The following SCAP variants were observed in gnomAD, a reference collection of about 807,000 sequenced individuals.
SCAP encodes SREBF chaperone, also known as sterol regulatory element-binding protein cleavage-activating protein.
A neutral mutation model predicts 123.6 loss-of-function variants in SCAP; 65 were observed. That is an observed-to-expected ratio of 0.53 (90% CI 0.43 to 0.65). The LOEUF (loss-of-function observed/expected upper bound fraction) is 0.65, where lower values mean the gene tolerates loss of function less well. Ranked by LOEUF, SCAP falls within the 30% of genes least tolerant of loss-of-function variation. The pLI is 0.00. For missense variants in SCAP, 1,398 were observed against 1,712.5 expected (o/e 0.82, Z 3.24); for synonymous variants, 740 against 726.3 (o/e 1.02, Z -0.30).
intron 1 of SCAP, among the ~76,000 whole-genome samples, chr3:47,443,929 T>TA (rs1394111851): frequency 6.6e-6 from 1 of 152,194 alleles, no homozygotes; most frequent in Admixed American, 6.5e-5. Context: ...GGAACTTGGA[T>TA]ATTCATGATG....
Position 47,428,627 on chromosome 3 carries a change from TTCACAA to T in SCAP, c.290_295del (p.Phe97_Lys99delinsTer). The T allele has an allele frequency of 6.2e-7, 1 of 1,614,056 alleles. No homozygotes were observed. The highest frequency in any genetic ancestry group is 8.5e-7 in the Non-Finnish European group (1 of 1,180,018). ...CTTGTGCCAGGGAAACACTGAGGACTTCACAAATATCTGCTGGACATAAGCCACCGG... is the reference window on the plus strand; with the variant it reads ...CTTGTGCCAGGGAAACACTGAGGACTATATCTGCTGGACATAAGCCACCGG... On this transcript the variant is annotated stop_gained and inframe_deletion, in exon 4 of 23. Transcript: ENST00000265565. LOFTEE classifies it high-confidence loss of function.
At chr3:47,452,917 CTG>C (rs1707277459) in intron 1 of SCAP, among the ~76,000 whole-genome samples, 1 of 124,234 alleles carries the variant, frequency 8.0e-6, no homozygotes, top group Admixed American at 9.6e-5. Flanking sequence ...TACAGAGATC[CTG>C]TCTCTACAAA....
chr3:47,472,134 A>C (rs1170990492), intron 1 of SCAP, among the ~76,000 whole-genome samples: 2 of 151,128 alleles, frequency 1.3e-5, no homozygotes, highest in South Asian at 2.1e-4. Context: ...CAAAAAAATA[A>C]TAATAATAAT....
intron 18 of SCAP, among the ~76,000 whole-genome samples, chr3:47,416,861 C>T (rs1387861282): frequency 5.3e-5 from 8 of 151,928 alleles, no homozygotes; most frequent in African/African-American, 9.7e-5. Flanking sequence ...CTCCTGACCT[C>T]GTGATCCGCC....
intron 1 of SCAP, among the ~76,000 whole-genome samples, chr3:47,466,362 C>A (rs1007237866): frequency 1.3e-5 from 2 of 152,106 alleles, no homozygotes; most frequent in African/African-American, 4.8e-5. Context: ...TTCTGTAGTT[C>A]ATCAGTATGA....
rs762057428 is a variant in SCAP at position 47,417,686 on chromosome 3, G to T, written c.2588C>A (p.Pro863Gln). 1 of 1,609,118 alleles carries T rather than the reference G, an allele frequency of 6.2e-7. No individual in the cohort carries two copies. Among genetic ancestry groups the T allele is most frequent in the Non-Finnish European group, 8.5e-7 (1 of 1,178,878 alleles). ...AGGCTGGTCCCCGAAGAGGGAAGGC[G>T]GCGGAGGGCCCCGGGGGCGGTGTCT... is the stretch of plus-strand genomic sequence containing the variant. ...PLRHRPRGPPPPSLFGDQPDL... is the reference protein window; with the variant it reads ...PLRHRPRGPPQPSLFGDQPDL... Residue 863 changes from proline to glutamine, a missense_variant, in exon 17 of 23, where the codon CCG becomes CAG. By Grantham distance (76) the Pro-to-Gln change is moderately conservative. Around this residue, in one of 7 missense-constraint regions of SCAP, gnomAD observed 828 missense variants for 882.5 expected, o/e 0.94. Transcript: ENST00000265565.
intron 6 of SCAP, among the ~76,000 whole-genome samples, chr3:47,426,776 A>G (rs1361120951): frequency 6.6e-6 from 1 of 152,206 alleles, no homozygotes; most frequent in African/African-American, 2.4e-5. Flanking sequence ...AGAGCCGATC[A>G]GAAGCACCTC....
intron 1 of SCAP, among the ~76,000 whole-genome samples, chr3:47,457,735 G>A (rs1345218471): frequency 2.6e-5 from 4 of 151,630 alleles, no homozygotes; most frequent in African/African-American, 7.3e-5. Context: ...GTGAAACCCC[G>A]TCTCTACTAA....
chr3:47,427,398 G>C (rs987610655), intron 5 of SCAP, 49 bp downstream of exon 5: 8 of 1,589,412 alleles, frequency 5.0e-6, no homozygotes, highest in East Asian at 2.2e-5. Context: ...AAAAGACGGT[G>C]ACCAATGGGC....
At position 47,417,554 on chromosome 3, in the gene SCAP, G is replaced by T. The variant is rs764150829; in HGVS notation, c.2720C>A (p.Ser907Tyr). The change falls in exon 17 of 23, where the codon TCC (serine) becomes TAC (tyrosine). Residue 907 changes from serine to tyrosine, a missense_variant. This residue lies in a region of SCAP where 828 missense variants were observed against 882.5 expected (regional missense o/e 0.94). Coordinates refer to ENST00000265565, the MANE Select transcript of SCAP (RefSeq NM_012235.4). The part of the protein sequence containing the change: ...HRAVCGRSRD[S>Y]PGYDFSCLVQ... ...CAGGCAGCTGAAGTCATAGCCTGGG[G>T]AGTCCCGAGAGCGGCCACAGACCGC... 1.1e-5 allele frequency: 18 copies of T among 1,578,144 alleles called. No individual in the cohort carries two copies. Among genetic ancestry groups the T allele is most frequent in the South Asian group, 4.6e-5 (4 of 86,762 alleles).
At chr3:47,452,479 T>A (rs1707262648) in intron 1 of SCAP, among the ~76,000 whole-genome samples, 1 of 152,222 alleles carries the variant, frequency 6.6e-6, no homozygotes, top group African/African-American at 2.4e-5. Context: ...ACAAAGCACC[T>A]CAGGCATTCT....
At position 47,417,161 on chromosome 3, in the gene SCAP, ACCT is replaced by A; in HGVS notation, c.3014_3016del (p.Glu1005del). On this transcript the variant is annotated inframe_deletion, in exon 18 of 23. Coordinates refer to ENST00000265565, the MANE Select transcript of SCAP (RefSeq NM_012235.4). ...CACCAGAGCGGTAATGCCTGAGGAGACCTCCTCGCTGCTGCAGCACAGCACCCC... is the reference window on the plus strand; with the variant it reads ...CACCAGAGCGGTAATGCCTGAGGAGACCTCGCTGCTGCAGCACAGCACCCC... The A allele has an allele frequency of 1.3e-5, 21 of 1,612,702 alleles. No individual in the cohort carries two copies. Among genetic ancestry groups the A allele is most frequent in the East Asian group, 4.5e-5 (2 of 44,854 alleles).
chr3:47,437,422 C>CAAAA (rs35011639), intron 2 of SCAP, among the ~76,000 whole-genome samples: 8 of 63,144 alleles, frequency 1.3e-4, no homozygotes, highest in African/African-American at 2.8e-4. Flanking sequence ...AACTCAATCT[C>CAAAA]AAAAAAAAAA....
chr3:47,415,249 C>T, intron 18 of SCAP, 69 bp from the exon 19 acceptor site: 1 of 1,441,710 alleles, frequency 6.9e-7, no homozygotes. Flanking sequence ...AGCATGTGGA[C>T]ATGAGAGTTA....
intron 1 of SCAP, among the ~76,000 whole-genome samples, chr3:47,464,741 T>C (rs1441498180): frequency 6.6e-6 from 1 of 152,136 alleles, no homozygotes; most frequent in Non-Finnish European, 1.5e-5. Flanking sequence ...TACTGAAAAG[T>C]TTTAGCCAGA....
At chr3:47,435,337 T>G (rs1487353885) in intron 2 of SCAP, among the ~76,000 whole-genome samples, 200 bp from the exon 3 acceptor site, 1 of 152,228 alleles carries the variant, frequency 6.6e-6, no homozygotes, top group Non-Finnish European at 1.5e-5. Context: ...TTTAGTCACA[T>G]AAACCTTACG....
In SCAP at chr3:47,475,313, G is replaced by A. The variant is rs1442436845; in HGVS notation, c.-99+486C>T. 4 of 152,272 alleles carry A rather than the reference G, an allele frequency of 2.6e-5. No individual in the cohort carries two copies. The East Asian group carries it at 7.7e-4, about 29-fold the overall frequency. The allele number at this position is 152,272 out of a possible 1,614,324, so 9.4% of individuals were successfully genotyped here. A position where few individuals can be genotyped will look rare whatever the true frequency, so the allele number is the denominator to read the frequency against. ...AGAAGTAAACAGAAGCAACATTAGT[G>A]AGCAAAGTTGAGGTTTAAGCAATAC... On this transcript the variant is annotated intron_variant, in intron 1 of 22. Transcript: ENST00000265565.
intron 10 of SCAP, 34 bp downstream of exon 10, chr3:47,422,408 A>G: frequency 1.3e-6 from 2 of 1,584,266 alleles, no homozygotes; most frequent in African/African-American, 2.7e-5. Flanking sequence ...AGTTGCTTCC[A>G]TGCTCATCCA....
chr3:47,426,835 G>A (rs564599656), intron 6 of SCAP, among the ~76,000 whole-genome samples: 2 of 152,312 alleles, frequency 1.3e-5, no homozygotes, highest in South Asian at 4.1e-4. Flanking sequence ...CACTGGGAAG[G>A]ACACAGGCCA....
Sources: gnomAD v4.1 joint callset for allele counts (sites outside exome capture counted in the v4.1 genomes callset) on GRCh38, gnomAD v4.1.1 for gene constraint, gnomAD v4.1.1 regional missense constraint, MANE v1.5 for transcripts, NCBI Gene and HGNC (gene_info 2026-07-23, HGNC 2026-07-21) for gene names.